The following PTPRD variants were observed in gnomAD, a reference collection of about 807,000 sequenced individuals.
PTPRD encodes the protein protein tyrosine phosphatase receptor type D.
PTPRD carries 34 observed loss-of-function variants against 214.5 expected under a neutral mutation model. The ratio of observed to expected loss-of-function variants is 0.16; its 90% CI spans 0.12 to 0.21. The LOEUF is 0.21. Ranked by LOEUF, PTPRD falls within the 10% of genes least tolerant of loss-of-function variation. The pLI is 1.00. For synonymous variants in PTPRD, 1,128 were observed against 845.7 expected (o/e 1.33, Z -5.79); for missense variants, 2,545 against 2,398.7 (o/e 1.06, Z -1.27).
At chr9:9,324,222 G>A (rs186250141) in intron 9 of PTPRD, among the ~76,000 whole-genome samples, 132 of 152,248 alleles carry the variant, frequency 8.7e-4, no homozygotes, top group Non-Finnish European at 1.2e-3. Flanking sequence ...GGATGGCTGG[G>A]TCAAATGGTA....
At chr9:8,749,623 T>C (rs2093312770) in intron 11 of PTPRD, among the ~76,000 whole-genome samples, 1 of 152,230 alleles carries the variant, frequency 6.6e-6, no homozygotes, top group African/African-American at 2.4e-5. Flanking sequence ...AAGACACTGT[T>C]GTTTGGGATT....
chr9:8,323,789 A>G (rs1830797877), intron 44 of PTPRD, among the ~76,000 whole-genome samples: 1 of 152,206 alleles, frequency 6.6e-6, no homozygotes, highest in Non-Finnish European at 1.5e-5. Context: ...CAAAGGATTT[A>G]GAATAGTACA....
At chr9:9,716,492 T>G (rs2097835772) in intron 7 of PTPRD, among the ~76,000 whole-genome samples, 1 of 152,036 alleles carries the variant, frequency 6.6e-6, no homozygotes, top group Non-Finnish European at 1.5e-5. Context: ...TGTTCCTATT[T>G]CTCCACATCC....
At chr9:8,867,360 G>A (rs2098217260) in intron 11 of PTPRD, among the ~76,000 whole-genome samples, 1 of 152,096 alleles carries the variant, frequency 6.6e-6, no homozygotes, top group African/African-American at 2.4e-5. Flanking sequence ...CCTCCCCCTT[G>A]GCAAAGACAC....
At chr9:8,464,610 T>C (rs1417670414) in intron 32 of PTPRD, among the ~76,000 whole-genome samples, 1 of 151,952 alleles carries the variant, frequency 6.6e-6, no homozygotes, top group East Asian at 1.9e-4. Flanking sequence ...ACACCTGTCA[T>C]ATTTAGACAC....
intron 11 of PTPRD, among the ~76,000 whole-genome samples, chr9:8,922,158 C>T (rs1425948905): frequency 6.6e-6 from 1 of 152,000 alleles, no homozygotes; most frequent in African/African-American, 2.4e-5. Context: ...GTATTTTGTG[C>T]CTTTGTATTT....
intron 10 of PTPRD, among the ~76,000 whole-genome samples, chr9:9,019,289 A>AAAGAAAGAAAGAAAGAAAGAAAGG (rs1569427884): frequency 1.1e-4 from 4 of 37,786 alleles, no homozygotes; most frequent in African/African-American, 2.6e-4. Context: ...AAGAAGAAAG[A>AAAGAAAGAAAGAAAGAAAGAAAGG]AAGAAAGAAA....
intron 11 of PTPRD, among the ~76,000 whole-genome samples, chr9:8,947,014 AT>A (rs143478859): frequency 6.5e-5 from 7 of 106,986 alleles, no homozygotes; most frequent in East Asian, 3.8e-4. Flanking sequence ...GTCTCTCTGT[AT>A]TTTTTTTTCT....
chr9:9,866,067 C>G (rs7341699), intron 5 of PTPRD, among the ~76,000 whole-genome samples: 1 of 152,054 alleles, frequency 6.6e-6, no homozygotes, highest in Non-Finnish European at 1.5e-5. Flanking sequence ...CTTATAAACA[C>G]GGTTATGTGC....
chr9:8,431,665 C>A (rs1241706056), intron 35 of PTPRD, among the ~76,000 whole-genome samples: 1 of 152,136 alleles, frequency 6.6e-6, no homozygotes, highest in African/African-American at 2.4e-5. Flanking sequence ...CAATGACATT[C>A]CTCAAATTGA....
At chr9:9,269,508 T>A (rs990385336) in intron 9 of PTPRD, among the ~76,000 whole-genome samples, 3 of 151,408 alleles carry the variant, frequency 2.0e-5, no homozygotes, top group African/African-American at 7.3e-5. Context: ...TCTGGGCACA[T>A]CTCCTAAATA....
intron 4 of PTPRD, among the ~76,000 whole-genome samples, chr9:9,962,516 G>A (rs1221393819): frequency 1.3e-5 from 2 of 149,488 alleles, no homozygotes; most frequent in African/African-American, 5.1e-5. Flanking sequence ...CAAACATTAA[G>A]CCATTAAGCC....
intron 7 of PTPRD, among the ~76,000 whole-genome samples, chr9:9,697,338 TCCC>T (rs966283082): frequency 1.6e-4 from 25 of 152,228 alleles, no homozygotes; most frequent in African/African-American, 5.8e-4. Flanking sequence ...ATTGAAAAAC[TCCC>T]TACAGAATTT....
At position 8,375,926 on chromosome 9, in the gene PTPRD, C is replaced by T. The variant is rs377321712; in HGVS notation, c.4661+10G>A. On this transcript the variant is annotated intron_variant, in intron 39 of 45. Coordinates refer to ENST00000381196, the MANE Select transcript of PTPRD (RefSeq NM_002839.4). ...TGTTTCCTGACTGCAAGTGAACAAA[C>T]GCTTCTTACCTGCAGTGCACAACCA... The T allele has an allele frequency of 2.6e-4, 422 of 1,604,562 alleles. No homozygotes were observed. Among genetic ancestry groups the T allele is most frequent in the East Asian group, 3.6e-4 (16 of 44,720 alleles).
chr9:8,537,984 C>A (rs575831144), intron 14 of PTPRD, among the ~76,000 whole-genome samples: 1 of 151,800 alleles, frequency 6.6e-6, no homozygotes, highest in Non-Finnish European at 1.5e-5. Flanking sequence ...ATCAAATAAA[C>A]GCATTGAGAA....
chr9:9,307,582 T>A (rs1389728393), intron 9 of PTPRD, among the ~76,000 whole-genome samples: 1 of 152,156 alleles, frequency 6.6e-6, no homozygotes, highest in Non-Finnish European at 1.5e-5. Flanking sequence ...CCATTCTAAC[T>A]ACTGTTGCTT....
chr9:10,605,959 G>C (rs1050839215), intron 2 of PTPRD, among the ~76,000 whole-genome samples: 1 of 151,828 alleles, frequency 6.6e-6, no homozygotes, highest in East Asian at 1.9e-4. Flanking sequence ...GAAAATAGAA[G>C]AGGGTGCAAC....
chr9:8,618,274 T>G (rs898767563), intron 14 of PTPRD, among the ~76,000 whole-genome samples: 1 of 152,148 alleles, frequency 6.6e-6, no homozygotes, highest in Non-Finnish European at 1.5e-5. Context: ...ATTTGGGTTC[T>G]GAATAACAGA....
rs564420481 is a variant in PTPRD at position 8,897,466 on chromosome 9, G to A, written c.-104+121231C>T. On this transcript the variant is annotated intron_variant, in intron 11 of 45. Coordinates refer to ENST00000381196, the MANE Select transcript of PTPRD (RefSeq NM_002839.4). ...GCTTTGAGGTAAGCTACCACATAGT[G>A]ATGGTGTCTGGCTAAAAGCAGACAC... is the stretch of plus-strand genomic sequence containing the variant. 6.6e-5 allele frequency among the ~76,000 whole-genome samples: 10 copies of A among 152,310 alleles called. No homozygotes were observed. The South Asian group carries it at 2.1e-3, about 32-fold the overall frequency.
Sources: allele counts gnomAD v4.1 joint callset (sites outside exome capture counted in the v4.1 genomes callset), GRCh38; gene constraint gnomAD v4.1.1; transcripts MANE v1.5; gene names NCBI Gene and HGNC (gene_info 2026-07-23, HGNC 2026-07-21).